NME7: variants seen among roughly 807,000 people sequenced by gnomAD.
The protein encoded by NME7 is nucleoside diphosphate kinase 7.
A neutral mutation model predicts 49.1 loss-of-function variants in NME7; 41 were observed. The observed-to-expected ratio is 0.83, with a 90% CI of 0.65 to 1.08. The LOEUF (loss-of-function observed/expected upper bound fraction) is 1.08. Ranked by LOEUF, NME7 falls within the 50% of genes least tolerant of loss-of-function variation. NME7 has a pLI of 0.00. For synonymous variants in NME7, 139 were observed against 150.6 expected, an observed-to-expected ratio of 0.92 and a Z score of 0.56; for missense variants, 423 against 463.4, an observed-to-expected ratio of 0.91 and a Z score of 0.80.
At chr1:169,291,352 C>A (rs1057185339) in intron 6 of NME7, among the ~76,000 whole-genome samples, 1 of 152,090 alleles carries the variant, frequency 6.6e-6, no homozygotes, top group Non-Finnish European at 1.5e-5. Flanking sequence ...GAGTTCATGT[C>A]CTTTGCATGG....
Position 169,230,784 on chromosome 1 carries a change from T to C in NME7, c.924A>G (p.Val308=). 6.2e-7 allele frequency: 1 copy of C among 1,607,274 alleles called. No homozygotes were observed. Among genetic ancestry groups the C allele is most frequent in the Non-Finnish European group, 8.5e-7 (1 of 1,177,110 alleles). ...MVTEMYSGPC[V]AMEIQQNNAT... is the part of the protein sequence containing the mutation. ...CATTATTCTGTTGAATCTCCATTGCTACACAAGGGCCAGAATACATTTCTG... is the reference window on the plus strand; with the variant it reads ...CATTATTCTGTTGAATCTCCATTGCCACACAAGGGCCAGAATACATTTCTG... Residue 308 remains valine (V), a synonymous_variant, in exon 10 of 12, where the codon GTA becomes GTG. Transcript: ENST00000367811.
intron 7 of NME7, among the ~76,000 whole-genome samples, chr1:169,259,906 C>T (rs16828170): frequency 0.14 from 18,887 of 132,426 alleles, 4,653 homozygotes; most frequent in Admixed American, 0.16. Flanking sequence ...ACTTTAGTTC[C>T]TTCCAATCTG....
chr1:169,193,425 T>C (rs1390760492), intron 10 of NME7, among the ~76,000 whole-genome samples: 1 of 152,166 alleles, frequency 6.6e-6, no homozygotes, highest in East Asian at 1.9e-4. Flanking sequence ...AACTGAAACA[T>C]GGCACTGGTG....
At chr1:169,266,433 C>T (rs1649322458) in intron 7 of NME7, among the ~76,000 whole-genome samples, 2 of 133,368 alleles carry the variant, frequency 1.5e-5, no homozygotes, top group African/African-American at 5.1e-5. Flanking sequence ...ATAAACTAGG[C>T]ATTGAGGAAC....
At chr1:169,206,995 C>T (rs1354176091) in intron 10 of NME7, among the ~76,000 whole-genome samples, 4 of 151,862 alleles carry the variant, frequency 2.6e-5, no homozygotes, top group Non-Finnish European at 5.9e-5. Context: ...TGTCTTAGTC[C>T]GTTTGCATTG....
At chr1:169,336,419 G>T (rs892084592) in intron 1 of NME7, among the ~76,000 whole-genome samples, 4 of 152,114 alleles carry the variant, frequency 2.6e-5, no homozygotes, top group African/African-American at 4.8e-5. Flanking sequence ...TGGTAGAGCC[G>T]AGTGGCCTGT....
chr1:169,153,056 G>T (rs1392987670), intron 11 of NME7, among the ~76,000 whole-genome samples: 2 of 151,960 alleles, frequency 1.3e-5, no homozygotes, highest in Middle Eastern at 3.2e-3. Context: ...CTAGTTTGCT[G>T]TATAGAAACA....
chr1:169,251,279 T>C (rs1187055915), intron 7 of NME7, among the ~76,000 whole-genome samples: 1 of 152,114 alleles, frequency 6.6e-6, no homozygotes, highest in East Asian at 1.9e-4. Context: ...TTTTATCTGA[T>C]ATAAGACTAC....
chr1:169,363,473 T>C (rs1653735048), intron 1 of NME7, among the ~76,000 whole-genome samples: 1 of 152,170 alleles, frequency 6.6e-6, no homozygotes, highest in Non-Finnish European at 1.5e-5. Flanking sequence ...TTTTTAATGC[T>C]GGCTACATAC....
At chr1:169,150,088 C>A (rs543704669) in intron 11 of NME7, among the ~76,000 whole-genome samples, 1 of 152,160 alleles carries the variant, frequency 6.6e-6, no homozygotes, top group Non-Finnish European at 1.5e-5. Context: ...TGGAGGACTG[C>A]CTGAGCACAG....
chr1:169,278,239 G>T (rs189252235), intron 7 of NME7, among the ~76,000 whole-genome samples: 28,937 of 139,354 alleles, frequency 0.21, 4,114 homozygotes, highest in Non-Finnish European at 0.3. Flanking sequence ...GGCCTGCCTT[G>T]CTCGTTTGGG....
At chr1:169,208,423 C>G (rs1380132953) in intron 10 of NME7, among the ~76,000 whole-genome samples, 3 of 152,048 alleles carry the variant, frequency 2.0e-5, no homozygotes, top group Non-Finnish European at 4.4e-5. Context: ...TTCAGGCCAA[C>G]TTTACTGTGT....
At chr1:169,143,923 C>T (rs111531134) in intron 11 of NME7, among the ~76,000 whole-genome samples, 4 of 152,202 alleles carry the variant, frequency 2.6e-5, no homozygotes, top group South Asian at 2.1e-4. Context: ...TAATAAGCTA[C>T]GGACCATTTC....
At chr1:169,285,485 G>A (rs745370388) in intron 7 of NME7, 33 of 152,022 alleles carry the variant, frequency 2.2e-4, no homozygotes, top group Non-Finnish European at 4.4e-4. Flanking sequence ...CTAATCATGT[G>A]CCATGTGACT....
At chr1:169,217,627 C>T (rs1661007719) in intron 10 of NME7, among the ~76,000 whole-genome samples, 1 of 152,146 alleles carries the variant, frequency 6.6e-6, no homozygotes, top group African/African-American at 2.4e-5. Context: ...TGCAGCCCCC[C>T]TTCCATTGTA....
At chr1:169,287,579 C>T (rs1650327941) in intron 6 of NME7, among the ~76,000 whole-genome samples, 171 bp from the exon 7 acceptor site, 1 of 151,986 alleles carries the variant, frequency 6.6e-6, no homozygotes, top group Non-Finnish European at 1.5e-5. Flanking sequence ...ATTAAATTAA[C>T]CCTGTTTCAA....
intron 11 of NME7, chr1:169,169,121 G>C (rs2101843411): frequency 2.3e-6 from 1 of 443,394 alleles, no homozygotes; most frequent in East Asian, 6.0e-5. Context: ...CTACAATTTG[G>C]TCTTTCAAAG....
rs1647914527 is a variant in NME7, at chr1:169,237,650, T to C, written c.792A>G (p.Ala264=). 3.1e-6 allele frequency: 5 copies of C among 1,611,292 alleles called. No individual in the cohort carries two copies. The highest frequency in any genetic ancestry group is 3.3e-5 in the Admixed American group (2 of 59,816). The change falls in exon 8 of 12, where the codon GCA becomes GCG. Residue 264 remains alanine (A), a synonymous_variant. Coordinates refer to ENST00000367811, the MANE Select transcript of NME7 (RefSeq NM_013330.5). Reference sequence around the variant, plus strand: ...TCTGCATAGCTGAGATTTCAAAACCTGCATCTCGGATAGCCATCAGGATCT... The same window carrying C: ...TCTGCATAGCTGAGATTTCAAAACCCGCATCTCGGATAGCCATCAGGATCT... ...LGKILMAIRD[A]GFEISAMQMF...
intron 1 of NME7, among the ~76,000 whole-genome samples, chr1:169,326,929 G>C (rs1652082427): frequency 6.6e-6 from 1 of 152,044 alleles, no homozygotes; most frequent in Non-Finnish European, 1.5e-5. Context: ...CTAGAAAAAA[G>C]GAGGAACTTG....
Sources: allele counts gnomAD v4.1 joint callset (sites outside exome capture counted in the v4.1 genomes callset), GRCh38; gene constraint gnomAD v4.1.1; transcripts MANE v1.5; gene names NCBI Gene and HGNC (gene_info 2026-07-23, HGNC 2026-07-21).